Variants in GPHN observed in about 807,000 individuals in gnomAD.
GPHN encodes gephyrin.
GPHN carries 17 observed loss-of-function variants against 95.5 expected under a neutral mutation model. The observed-to-expected ratio is 0.18, with a 90% confidence interval of 0.12 to 0.27. The LOEUF (loss-of-function observed/expected upper bound fraction) is 0.27, where lower values mean the gene tolerates loss of function less well. Ranked by LOEUF, GPHN falls within the 10% of genes least tolerant of loss-of-function variation. The probability of loss-of-function intolerance (pLI) is 1.00; values close to 1 mark genes in which losing one functional copy is unlikely to be tolerated. For synonymous variants in GPHN, 320 were observed against 322.5 expected (o/e 0.99, Z 0.08); for missense variants, 660 against 978.1 (o/e 0.67, Z 4.34).
chr14:67,160,635 TGA>T (rs2081920580), intron 19 of GPHN, among the ~76,000 whole-genome samples: 1 of 152,148 alleles, frequency 6.6e-6, no homozygotes, highest in Admixed American at 6.5e-5. Flanking sequence ...ACTGTATGGC[TGA>T]GAGTTCCAGC....
chr14:67,055,598 C>G (rs2075525144), intron 10 of GPHN, among the ~76,000 whole-genome samples: 1 of 152,188 alleles, frequency 6.6e-6, no homozygotes, highest in African/African-American at 2.4e-5. Context: ...AAGATACATG[C>G]ATGCGTATGC....
intron 10 of GPHN, among the ~76,000 whole-genome samples, chr14:67,057,062 C>T (rs2075612233): frequency 6.6e-6 from 1 of 152,110 alleles, no homozygotes; most frequent in Admixed American, 6.5e-5. Context: ...CACGCCTCTC[C>T]CTCCACACCT....
chr14:66,763,510 G>A (rs985424776), intron 2 of GPHN, among the ~76,000 whole-genome samples: 15 of 149,744 alleles, frequency 1.0e-4, no homozygotes, highest in African/African-American at 3.5e-4. Context: ...TTGTTCTTGC[G>A]ATGGTTTACT....
the GPHN span, chr14:67,651,107 T>C: frequency 2.2e-6 from 2 of 929,674 alleles, no homozygotes; most frequent in East Asian, 2.6e-5. Flanking sequence ...ATTTGGTTTT[T>C]TGCAGTTCAC....
At chr14:66,901,590 G>A (rs573926729) in intron 5 of GPHN, among the ~76,000 whole-genome samples, 1 of 152,060 alleles carries the variant, frequency 6.6e-6, no homozygotes, top group African/African-American at 2.4e-5. Context: ...ACCTCTGCAA[G>A]TGGATATCCA....
chr14:67,290,097 G>T, the GPHN span, among the ~76,000 whole-genome samples: 1 of 151,890 alleles, frequency 6.6e-6, no homozygotes, highest in Admixed American at 6.6e-5. Context: ...TACTGTCTTT[G>T]ACTGTATAAG....
At chr14:67,541,849 T>C in the GPHN span, 3 of 1,582,192 alleles carry the variant, frequency 1.9e-6, no homozygotes, top group East Asian at 4.6e-5. Flanking sequence ...CCCAGAATAA[T>C]CCAGAAGTCG....
the GPHN span, chr14:67,204,556 G>A: frequency 6.2e-7 from 1 of 1,613,314 alleles, no homozygotes; most frequent in African/African-American, 1.3e-5. Context: ...TCTGCAGTTT[G>A]TGACTCTTTC....
intron 1 of GPHN, among the ~76,000 whole-genome samples, chr14:66,647,295 T>C (rs1281215246): frequency 1.3e-5 from 2 of 150,212 alleles, no homozygotes; most frequent in Non-Finnish European, 3.0e-5. Flanking sequence ...TAAAGTCATC[T>C]AGTGTGCTTA....
intron 1 of GPHN, among the ~76,000 whole-genome samples, chr14:66,568,026 G>A (rs1210416321): frequency 6.6e-6 from 1 of 152,154 alleles, no homozygotes; most frequent in Non-Finnish European, 1.5e-5. Flanking sequence ...TTCAAAACTG[G>A]ATGATGTCAG....
At chr14:67,442,072 G>C in the GPHN span, 2 of 152,488 alleles carry the variant, frequency 1.3e-5, no homozygotes, top group Admixed American at 1.3e-4. Context: ...TAATAGTAAT[G>C]AATACATACA....
In GPHN at chr14:66,924,189, A is replaced by G. The variant is rs1212247375; in HGVS notation, c.730-5A>G. 13 of 1,531,030 alleles carry G rather than the reference A, an allele frequency of 8.5e-6. No individual in the cohort carries two copies. The highest frequency in any genetic ancestry group is 1.2e-5 in the Non-Finnish European group (13 of 1,104,576). The allele number at this position is 1,531,030 out of a possible 1,614,324, so 94.8% of individuals were successfully genotyped here. On this transcript the variant is annotated splice_polypyrimidine_tract_variant and splice_region_variant and intron_variant, in intron 7 of 22. Coordinates refer to ENST00000478722, the MANE Select transcript of GPHN (RefSeq NM_020806.5). ...TATTCATAGTTGTTATGTGTTGTGCATTAGAAGCATCCATTCTACACCAGT... is the reference window on the plus strand; with the variant it reads ...TATTCATAGTTGTTATGTGTTGTGCGTTAGAAGCATCCATTCTACACCAGT...
At chr14:66,850,263 A>G (rs2153515179) in intron 4 of GPHN, among the ~76,000 whole-genome samples, 1 of 152,266 alleles carries the variant, frequency 6.6e-6, no homozygotes, top group Admixed American at 6.5e-5. Flanking sequence ...ACTCTTACAC[A>G]ATTATTTTGC....
At chr14:66,887,190 G>C (rs2064239858) in intron 5 of GPHN, among the ~76,000 whole-genome samples, 1 of 152,202 alleles carries the variant, frequency 6.6e-6, no homozygotes, top group South Asian at 2.1e-4. Context: ...ACTTACCTAG[G>C]GGAAGGGAAA....
At chr14:67,462,931 G>A in the GPHN span, among the ~76,000 whole-genome samples, 2 of 152,242 alleles carry the variant, frequency 1.3e-5, no homozygotes, top group Admixed American at 1.3e-4. Flanking sequence ...TAACTGTATT[G>A]CAATTAGTAA....
intron 1 of GPHN, among the ~76,000 whole-genome samples, chr14:66,621,428 C>CTT (rs143345607): frequency 7.2e-6 from 1 of 138,012 alleles, no homozygotes; most frequent in African/African-American, 2.7e-5. Context: ...GCTGTCAAAT[C>CTT]TTTTTTTTTT....
chr14:66,778,447 T>G (rs899949400), intron 3 of GPHN, among the ~76,000 whole-genome samples: 1 of 152,162 alleles, frequency 6.6e-6, no homozygotes, highest in African/African-American at 2.4e-5. Flanking sequence ...ATTATGACAT[T>G]ATTCTGTCTC....
intron 2 of GPHN, among the ~76,000 whole-genome samples, chr14:66,710,005 A>G (rs1346986999): frequency 6.6e-6 from 1 of 152,088 alleles, no homozygotes. Flanking sequence ...GAAGTAATGG[A>G]AAGCTATGTT....
chr14:66,749,057 T>C (rs2058269371), intron 2 of GPHN, among the ~76,000 whole-genome samples: 1 of 151,982 alleles, frequency 6.6e-6, no homozygotes. Context: ...ATTTTTAATG[T>C]CTCTATAGTT....
Sources: gnomAD v4.1 joint callset for allele counts (sites outside exome capture counted in the v4.1 genomes callset) on GRCh38, gnomAD v4.1.1 for gene constraint, MANE v1.5 for transcripts, NCBI Gene and HGNC (gene_info 2026-07-23, HGNC 2026-07-21) for gene names.